SFXN5: variants seen among roughly 807,000 people sequenced by gnomAD.
The protein encoded by SFXN5 is sideroflexin 5.
A neutral mutation model predicts 50.2 loss-of-function variants in SFXN5; 43 were observed. That is an observed-to-expected ratio of 0.86 (90% CI 0.67 to 1.11). The LOEUF (loss-of-function observed/expected upper bound fraction) is 1.11, where lower values mean the gene tolerates loss of function less well. Ranked by LOEUF, SFXN5 falls within the 50% of genes least tolerant of loss-of-function variation. SFXN5 has a pLI of 0.00. For synonymous variants in SFXN5, 203 were observed against 185.8 expected, an observed-to-expected ratio of 1.09 and a Z score of -0.75; for missense variants, 463 against 454.1, an observed-to-expected ratio of 1.02 and a Z score of -0.18.
intron 10 of SFXN5, among the ~76,000 whole-genome samples, chr2:72,978,070 A>C (rs1225966226): frequency 6.6e-6 from 1 of 150,482 alleles, no homozygotes; most frequent in Non-Finnish European, 1.5e-5. Context: ...CAAAGGTTTT[A>C]ATTTTTTACT....
chr2:73,002,707 C>T (rs1259232290), intron 6 of SFXN5, among the ~76,000 whole-genome samples: 2 of 152,154 alleles, frequency 1.3e-5, no homozygotes, highest in Non-Finnish European at 2.9e-5. Flanking sequence ...TATTTATTGG[C>T]TCATATCAGT....
intron 2 of SFXN5, among the ~76,000 whole-genome samples, chr2:73,047,107 C>T (rs1389655096): frequency 6.8e-6 from 1 of 147,510 alleles, no homozygotes; most frequent in Non-Finnish European, 1.5e-5. Flanking sequence ...CACCTGTAAT[C>T]CCAGCTACTC....
At chr2:73,034,165 T>G (rs1231064672) in intron 3 of SFXN5, among the ~76,000 whole-genome samples, 1 of 152,206 alleles carries the variant, frequency 6.6e-6, no homozygotes, top group African/African-American at 2.4e-5. Flanking sequence ...GTACGACACC[T>G]AGCACATCAT....
intron 6 of SFXN5, among the ~76,000 whole-genome samples, chr2:73,010,831 A>G (rs916485256): frequency 2.0e-5 from 3 of 152,230 alleles, no homozygotes; most frequent in Non-Finnish European, 4.4e-5. Context: ...TTTAGAAAAT[A>G]ACAACATAAG....
At chr2:72,982,553 T>C (rs1671438461) in intron 10 of SFXN5, among the ~76,000 whole-genome samples, 1 of 152,276 alleles carries the variant, frequency 6.6e-6, no homozygotes, top group South Asian at 2.1e-4. Context: ...AGTGTGGTGG[T>C]AGATGAGATC....
At chr2:72,986,527 G>A (rs1671946862) in intron 10 of SFXN5, among the ~76,000 whole-genome samples, 1 of 152,202 alleles carries the variant, frequency 6.6e-6, no homozygotes, top group Admixed American at 6.5e-5. Context: ...GTACCACAGA[G>A]GTCACGAGTC....
chr2:72,947,756 G>A (rs1236822512), intron 13 of SFXN5, among the ~76,000 whole-genome samples: 1 of 152,142 alleles, frequency 6.6e-6, no homozygotes, highest in African/African-American at 2.4e-5. Context: ...GCCAAACAGA[G>A]GAGAGCCAGG....
rs181875365 is a variant in SFXN5, at chr2:72,960,194, C to A, written c.945+937G>T. Among the ~76,000 whole-genome samples the A allele has an allele frequency of 9.9e-3, 1,501 of 152,210 alleles. 8 individuals are homozygous for A. Among genetic ancestry groups the A allele is most frequent in the Non-Finnish European group, 0.015 (1,040 of 68,010 alleles). ...CCCAGGCGTCTCTCCTCATTCCAGA[C>A]CCAGAGCCAACATCCCACAGGCTCC... On this transcript the variant is annotated intron_variant, in intron 13 of 13. Transcript: ENST00000272433. The surrounding 1 kb of genome is among the most constrained non-coding windows in gnomAD (Gnocchi z 6.1).
At chr2:72,985,183 A>G (rs1164824486) in intron 10 of SFXN5, among the ~76,000 whole-genome samples, 1 of 152,184 alleles carries the variant, frequency 6.6e-6, no homozygotes, top group Non-Finnish European at 1.5e-5. Flanking sequence ...CTCTGCAAGC[A>G]GCCTAAAGGG....
In SFXN5 at chr2:73,071,709, C is replaced by G; in HGVS notation, c.-4G>C. 2 of 1,611,520 alleles carry G rather than the reference C, an allele frequency of 1.2e-6. No individual in the cohort carries two copies. Among genetic ancestry groups the G allele is most frequent in the Non-Finnish European group, 1.7e-6 (2 of 1,179,480 alleles). ...CTGTAGTCGCTGTATCCGCCATGGC[C>G]ACTGACGCCCGCAATCTCCGGCCCT... On this transcript the variant is annotated 5_prime_UTR_variant, in exon 1 of 14. Coordinates refer to ENST00000272433, the MANE Select transcript of SFXN5 (RefSeq NM_144579.3).
At chr2:72,947,406 G>A (rs530400765) in intron 13 of SFXN5, among the ~76,000 whole-genome samples, 1 of 152,370 alleles carries the variant, frequency 6.6e-6, no homozygotes, top group East Asian at 1.9e-4. Context: ...AGCTAGAGGG[G>A]GGCAGGTGAG....
chr2:73,070,936 A>G (rs1195317615), intron 1 of SFXN5: 1 of 152,300 alleles, frequency 6.6e-6, no homozygotes, highest in Non-Finnish European at 1.5e-5. Flanking sequence ...TTTCCCCCGC[A>G]CGCCCTGGCT....
chr2:73,004,762 C>T (rs943625809), intron 6 of SFXN5, among the ~76,000 whole-genome samples: 1 of 152,338 alleles, frequency 6.6e-6, no homozygotes, highest in South Asian at 2.1e-4. Context: ...CAGGTCCTTA[C>T]AGTCAGGCGG....
chr2:73,033,186 ATAAT>A (rs1462424905), intron 3 of SFXN5, among the ~76,000 whole-genome samples: 1 of 152,194 alleles, frequency 6.6e-6, no homozygotes, highest in East Asian at 1.9e-4. Context: ...GTGAAAATTA[ATAAT>A]TAATTTAACA....
intron 5 of SFXN5, among the ~76,000 whole-genome samples, chr2:73,021,440 T>C (rs372607436): frequency 3.3e-5 from 5 of 152,142 alleles, no homozygotes; most frequent in African/African-American, 1.2e-4. Flanking sequence ...GCAGAGATCA[T>C]GCTACTGCAC....
chr2:73,047,233 AAAAAAAAAAAAAATAT>A (rs1161778456), intron 2 of SFXN5, among the ~76,000 whole-genome samples: 44 of 28,030 alleles, frequency 1.6e-3, no homozygotes, highest in African/African-American at 3.1e-3. Context: ...AAAAAAAAAA[AAAAAAAAAAAAAATAT>A]ATATATATAT....
At chr2:72,979,072 A>G (rs1359885133) in intron 10 of SFXN5, among the ~76,000 whole-genome samples, 2 of 152,224 alleles carry the variant, frequency 1.3e-5, no homozygotes, top group African/African-American at 4.8e-5. Context: ...CAAAACCACA[A>G]TGAAAGGCAA....
chr2:72,982,818 G>A (rs6753301), intron 10 of SFXN5, among the ~76,000 whole-genome samples: 26,307 of 152,220 alleles, frequency 0.17, 2,448 homozygotes, highest in East Asian at 0.32. Flanking sequence ...CAAAGGCCTG[G>A]GGCCCGGCAA....
intron 6 of SFXN5, among the ~76,000 whole-genome samples, chr2:73,010,546 A>G (rs1282823613): frequency 6.6e-6 from 1 of 152,214 alleles, no homozygotes; most frequent in East Asian, 1.9e-4. Flanking sequence ...ATAAGAGAGA[A>G]ATAAACTATT....
Sources: gnomAD v4.1 joint callset for allele counts (sites outside exome capture counted in the v4.1 genomes callset) on GRCh38, gnomAD v4.1.1 for gene constraint, Gnocchi (gnomAD v3.1) non-coding constraint, MANE v1.5 for transcripts, NCBI Gene and HGNC (gene_info 2026-07-23, HGNC 2026-07-21) for gene names.